Variants in TGM4 observed in about 807,000 individuals in gnomAD.
The protein encoded by TGM4 is protein-glutamine gamma-glutamyltransferase 4.
In TGM4, 61 loss-of-function variants were observed where a neutral mutation model predicts 76.3. The ratio of observed to expected loss-of-function variants is 0.80; its 90% confidence interval spans 0.65 to 0.99. The LOEUF (loss-of-function observed/expected upper bound fraction) is 0.99. Ranked by LOEUF, TGM4 falls within the 50% of genes least tolerant of loss-of-function variation. TGM4 has a pLI of 0.00. For missense variants in TGM4, 794 were observed against 843.2 expected, an observed-to-expected ratio of 0.94 and a Z score of 0.72; for synonymous variants, 337 against 329.8, an observed-to-expected ratio of 1.02 and a Z score of -0.24.
chr3:44,890,515 G>C, intron 3 of TGM4, 88 bp from the exon 4 acceptor site: 1 of 1,551,648 alleles, frequency 6.4e-7, no homozygotes, highest in Non-Finnish European at 8.7e-7. Context: ...TGAGTTGTTA[G>C]GACTGACGGA....
At chr3:44,891,738 G>A (rs1677433817) in intron 4 of TGM4, among the ~76,000 whole-genome samples, 1 of 152,076 alleles carries the variant, frequency 6.6e-6, no homozygotes, top group South Asian at 2.1e-4. Flanking sequence ...ACTTTGGGAG[G>A]CCGAGGTGGG....
Position 44,910,202 on chromosome 3 carries a change from T to A in TGM4, c.1440T>A (p.Asp480Glu). The A allele has an allele frequency of 6.2e-7, 1 of 1,614,210 alleles. No individual in the cohort carries two copies. The highest frequency in any genetic ancestry group is 1.1e-5 in the South Asian group (1 of 91,084). Residue 480 changes from aspartate (D) to glutamate (E), a missense_variant, in exon 11 of 14, where the codon GAT becomes GAA. By Grantham distance (45) the Asp-to-Glu change is conservative. Transcript: ENST00000296125. ...TTCTTCACATGTCGGTACAATCAGA[T>A]GATGTGCTGCTGGGAAACTCTGTTA... Reference protein sequence around the residue: ...ENFLHMSVQSDDVLLGNSVNF... With the variant: ...ENFLHMSVQSEDVLLGNSVNF...
chr3:44,901,057 G>A (rs1699845736), intron 6 of TGM4: 1 of 160,108 alleles, frequency 6.2e-6, no homozygotes, highest in Non-Finnish European at 1.4e-5. Flanking sequence ...TGGCCAACAT[G>A]GTGAAACCCT....
intron 9 of TGM4, 123 bp downstream of exon 9, chr3:44,904,110 CA>C: frequency 1.3e-6 from 1 of 799,152 alleles, no homozygotes. Flanking sequence ...TTTCCCAAAA[CA>C]AAAAGCATGC....
At chr3:44,891,129 A>C (rs1699688584) in intron 4 of TGM4, among the ~76,000 whole-genome samples, 1 of 151,972 alleles carries the variant, frequency 6.6e-6, no homozygotes, top group Admixed American at 6.5e-5. Flanking sequence ...CCACTTCCTC[A>C]TGTACCCACC....
intron 3 of TGM4, among the ~76,000 whole-genome samples, chr3:44,889,429 C>A (rs1699658708): frequency 6.6e-6 from 1 of 152,036 alleles, no homozygotes; most frequent in Non-Finnish European, 1.5e-5. Flanking sequence ...TGGGGCCTTC[C>A]TGAAGTCAAA....
intron 1 of TGM4, among the ~76,000 whole-genome samples, chr3:44,883,285 G>C (rs1699557201): frequency 6.6e-6 from 1 of 152,172 alleles, no homozygotes; most frequent in African/African-American, 2.4e-5. Flanking sequence ...GTGATACTAA[G>C]AGGTGGGGCC....
chr3:44,908,105 C>T (rs1204726418), intron 10 of TGM4, among the ~76,000 whole-genome samples: 1 of 152,148 alleles, frequency 6.6e-6, no homozygotes, highest in Non-Finnish European at 1.5e-5. Flanking sequence ...TGATTGTGAG[C>T]TTGTGTAAAA....
At position 44,914,613 on chromosome 3, in the gene TGM4, C is replaced by CTGAG. The variant is rs1223906813; in HGVS notation, c.*890_*893dup. 6.6e-6 allele frequency: 1 copy of CTGAG among 152,176 alleles called. No individual in the cohort carries two copies. The highest frequency in any genetic ancestry group is 2.4e-5 in the African/African-American group (1 of 41,412). The allele number at this position is 152,176 out of a possible 1,614,324, so 9.4% of individuals were successfully genotyped here. A position where few individuals can be genotyped will look rare whatever the true frequency, so the allele number is the denominator to read the frequency against. The stretch of plus-strand genomic sequence containing the variant: ...CTACTTCAAGAAAACTCTGTGGTCC[C>CTGAG]TGAGTCCTTTTTTCTTTATGCCAAT... On this transcript the variant is annotated 3_prime_UTR_variant, in exon 14 of 14. Transcript: ENST00000296125.
chr3:44,889,987 A>C (rs954139857), intron 3 of TGM4, among the ~76,000 whole-genome samples: 2 of 152,200 alleles, frequency 1.3e-5, no homozygotes, highest in Non-Finnish European at 2.9e-5. Context: ...CAGGAAACTT[A>C]CAATCATGGC....
intron 10 of TGM4, among the ~76,000 whole-genome samples, chr3:44,907,908 C>G (rs143598109): frequency 7.0e-4 from 107 of 152,208 alleles, no homozygotes; most frequent in African/African-American, 2.3e-3. Context: ...TCAAAGGGTG[C>G]AAGAGTCCAG....
rs1324767478 is a variant in TGM4, at chr3:44,911,081, C to T, written c.1730C>T (p.Ala577Val). The T allele has an allele frequency of 6.2e-7, 1 of 1,614,146 alleles. No individual in the cohort carries two copies. Among genetic ancestry groups the T allele is most frequent in the Admixed American group, 1.7e-5 (1 of 60,024 alleles). The change falls in exon 12 of 14, where the codon GCC becomes GTC. Residue 577 changes from alanine to valine, a missense_variant. Coordinates refer to ENST00000296125, the MANE Select transcript of TGM4 (RefSeq NM_003241.4). ...ATTGTGGAGTCTAAGGAAATCATGG[C>T]CTCTGAAGTATTCACGTCTTTCCAG... ...AEIVESKEIM[A>V]SEVFTSFQYP...
Position 44,907,268 on chromosome 3 carries a change from T to C in TGM4, c.1327+68T>C, listed in dbSNP as rs1046248176. Reference sequence around the variant, plus strand: ...ACCCAGAACATGAAAATAGTCAAGATTGGGGGTGGGCCTGGGCAACATGGT... The same window carrying C: ...ACCCAGAACATGAAAATAGTCAAGACTGGGGGTGGGCCTGGGCAACATGGT... On this transcript the variant is annotated intron_variant, in intron 10 of 13. Transcript: ENST00000296125. 7.7e-6 allele frequency: 12 copies of C among 1,554,990 alleles called. No homozygotes were observed. The African/African-American group carries it at 1.3e-4, about 16-fold the overall frequency.
chr3:44,879,624 C>A (rs181631798), intron 1 of TGM4, among the ~76,000 whole-genome samples: 10 of 151,950 alleles, frequency 6.6e-5, no homozygotes, highest in Admixed American at 3.9e-4. Context: ...AGGCGCCTGC[C>A]ACCACATCCG....
chr3:44,895,461 T>C (rs1302252564), intron 5 of TGM4, among the ~76,000 whole-genome samples: 1 of 152,044 alleles, frequency 6.6e-6, no homozygotes, highest in African/African-American at 2.4e-5. Context: ...ACCTGGTCTC[T>C]ATAAAAAATA....
intron 1 of TGM4, 81 bp from the exon 2 acceptor site, chr3:44,885,244 C>A: frequency 6.9e-7 from 1 of 1,440,646 alleles, no homozygotes; most frequent in Non-Finnish European, 9.4e-7. Context: ...AATGCACTCT[C>A]AGATTTTGAA....
At chr3:44,892,590 C>T (rs1220648849) in intron 4 of TGM4, among the ~76,000 whole-genome samples, 1 of 151,968 alleles carries the variant, frequency 6.6e-6, no homozygotes, top group Non-Finnish European at 1.5e-5. Context: ...AGGCTGGTCT[C>T]GAACTCCTGA....
rs751536181 is a variant in TGM4, at chr3:44,907,206, A to G, written c.1327+6A>G. ...TGAGTACAAGTATCCAGAAGGTGCTAGCATCACAGGGCTCCTTCTGACTCA... is the reference window on the plus strand; with the variant it reads ...TGAGTACAAGTATCCAGAAGGTGCTGGCATCACAGGGCTCCTTCTGACTCA... On this transcript the variant is annotated splice_donor_region_variant and intron_variant, in intron 10 of 13. Transcript: ENST00000296125. 5.0e-6 allele frequency: 8 copies of G among 1,612,894 alleles called. No individual in the cohort carries two copies. Among genetic ancestry groups the G allele is most frequent in the African/African-American group, 2.7e-5 (2 of 74,716 alleles).
At chr3:44,898,510 C>T (rs1186319373) in intron 6 of TGM4, among the ~76,000 whole-genome samples, 1 of 152,196 alleles carries the variant, frequency 6.6e-6, no homozygotes, top group Non-Finnish European at 1.5e-5. Context: ...GATCACAGAA[C>T]TTGGAACTCC....
Sources: allele counts gnomAD v4.1 joint callset (sites outside exome capture counted in the v4.1 genomes callset), GRCh38; gene constraint gnomAD v4.1.1; transcripts MANE v1.5; gene names NCBI Gene and HGNC (gene_info 2026-07-23, HGNC 2026-07-21).